Variants in RASAL2 observed in about 807,000 individuals in gnomAD.
RASAL2 encodes RAS protein activator like 2.
In RASAL2, 58 loss-of-function variants were observed where a neutral mutation model predicts 128.9. That is an observed-to-expected ratio of 0.45 (90% CI 0.36 to 0.56). The LOEUF (loss-of-function observed/expected upper bound fraction) is 0.56. Among genes scored for constraint, RASAL2 ranks in the 20% least tolerant of loss-of-function variants. The pLI is 0.00. For synonymous variants in RASAL2, 561 were observed against 580.8 expected, an observed-to-expected ratio of 0.97 and a Z score of 0.49; for missense variants, 1,360 against 1,601.6, an observed-to-expected ratio of 0.85 and a Z score of 2.57.
chr1:178,364,083 G>A lies in RASAL2; in HGVS notation c.458-26017G>A, dbSNP rs547449516. On this transcript the variant is annotated intron_variant, in intron 3 of 17. Coordinates refer to ENST00000367649, the MANE Select transcript of RASAL2 (RefSeq NM_170692.4). ...TGCACTCCAGCCTGGGTGACAGAGC[G>A]AGACTCCATCTCAAAAAAAAAAAAA... 6.7e-5 allele frequency among the ~76,000 whole-genome samples: 10 copies of A among 148,526 alleles called. 1 individual carries two copies. Among genetic ancestry groups the A allele is most frequent in the Non-Finnish European group, 1.5e-4 (10 of 67,512 alleles).
chr1:178,101,514 G>A (rs1453305328), intron 1 of RASAL2, among the ~76,000 whole-genome samples: 1 of 152,178 alleles, frequency 6.6e-6, no homozygotes, highest in African/African-American at 2.4e-5. Context: ...GAGTCTAAGG[G>A]ATTGGTAATA....
chr1:178,111,843 C>T (rs756695121), intron 1 of RASAL2, among the ~76,000 whole-genome samples: 2 of 152,168 alleles, frequency 1.3e-5, no homozygotes, highest in Admixed American at 6.5e-5. Context: ...GATTCTCCCA[C>T]CTCAGCCTCC....
intron 1 of RASAL2, among the ~76,000 whole-genome samples, chr1:178,146,575 CTTGTCTCATTCTA>C (rs1660737367): frequency 6.6e-6 from 1 of 152,172 alleles, no homozygotes; most frequent in Non-Finnish European, 1.5e-5. Context: ...AAAACATCTT[CTTGTCTCATTCTA>C]TTATTCTTAG....
chr1:178,190,947 G>T (rs1662474025), intron 1 of RASAL2, among the ~76,000 whole-genome samples: 1 of 152,140 alleles, frequency 6.6e-6, no homozygotes, highest in South Asian at 2.1e-4. Flanking sequence ...GAATAGTAAG[G>T]ATTAATGGCT....
intron 9 of RASAL2, among the ~76,000 whole-genome samples, chr1:178,449,871 A>G (rs1677262131): frequency 6.6e-6 from 1 of 152,122 alleles, no homozygotes; most frequent in Admixed American, 6.6e-5. Context: ...GTTAATATTC[A>G]TGTTTTTTAT....
intron 1 of RASAL2, among the ~76,000 whole-genome samples, chr1:178,223,209 A>T (rs970043814): frequency 6.6e-6 from 1 of 152,196 alleles, no homozygotes; most frequent in Admixed American, 6.5e-5. Context: ...ACAAACATGG[A>T]TGTTATAGCC....
At chr1:178,233,777 G>A (rs1335607988) in intron 1 of RASAL2, among the ~76,000 whole-genome samples, 1 of 152,166 alleles carries the variant, frequency 6.6e-6, no homozygotes, top group Non-Finnish European at 1.5e-5. Context: ...TGGAGTCTGA[G>A]CAGCAGGGAT....
chr1:178,217,917 T>C (rs1214594349), intron 1 of RASAL2, among the ~76,000 whole-genome samples: 1 of 151,956 alleles, frequency 6.6e-6, no homozygotes, highest in Non-Finnish European at 1.5e-5. Context: ...CAGAATTTCT[T>C]TCCAAACTGG....
At chr1:178,384,521 C>T (rs1432679768) in intron 3 of RASAL2, among the ~76,000 whole-genome samples, 13 of 151,852 alleles carry the variant, frequency 8.6e-5, no homozygotes, top group African/African-American at 2.2e-4. Flanking sequence ...AGCTAAAATT[C>T]GCTGGGTGTG....
intron 3 of RASAL2, among the ~76,000 whole-genome samples, chr1:178,314,847 G>C (rs1318307651): frequency 6.6e-6 from 1 of 150,912 alleles, no homozygotes; most frequent in Non-Finnish European, 1.5e-5. Context: ...GTGCAGGTTA[G>C]TTACATATGT....
chr1:178,173,971 T>C (rs910429636), intron 1 of RASAL2, among the ~76,000 whole-genome samples: 8 of 151,884 alleles, frequency 5.3e-5, no homozygotes, highest in African/African-American at 1.9e-4. Context: ...TCCCCACTAT[T>C]AGTTATTTCC....
chr1:178,458,859 A>G (rs947560396), intron 14 of RASAL2, among the ~76,000 whole-genome samples: 4 of 152,180 alleles, frequency 2.6e-5, no homozygotes, highest in Non-Finnish European at 4.4e-5. Flanking sequence ...GATACTTAAA[A>G]TCTGTAGGCA....
chr1:178,193,489 T>A (rs1056538733), intron 1 of RASAL2, among the ~76,000 whole-genome samples: 1 of 152,176 alleles, frequency 6.6e-6, no homozygotes, highest in African/African-American at 2.4e-5. Flanking sequence ...ACTGAGGACA[T>A]GATTTTATGA....
rs1199508931 is a variant in RASAL2, at chr1:178,477,464, A to G, written c.*4225A>G. The G allele has an allele frequency of 6.6e-6, 1 of 152,236 alleles. No homozygotes were observed. The highest frequency in any genetic ancestry group is 1.9e-4 in the East Asian group (1 of 5,198). The allele number at this position is 152,236 out of a possible 1,614,324, so 9.4% of individuals were successfully genotyped here. A position where few individuals can be genotyped will look rare whatever the true frequency, so the allele number is the denominator to read the frequency against. ...GGGTTTAGGAAGGACAAAAGTGATG[A>G]AATTTGCATGAGATAGAATAAATAT... On this transcript the variant is annotated 3_prime_UTR_variant, in exon 18 of 18. Transcript: ENST00000367649.
intron 1 of RASAL2, among the ~76,000 whole-genome samples, chr1:178,198,061 G>A (rs187170322): frequency 6.6e-6 from 1 of 152,258 alleles, no homozygotes; most frequent in Admixed American, 6.5e-5. Flanking sequence ...AGTATTCCAT[G>A]GTGTATATGT....
chr1:178,388,118 G>A (rs1463944590), intron 3 of RASAL2, among the ~76,000 whole-genome samples: 1 of 152,194 alleles, frequency 6.6e-6, no homozygotes, highest in African/African-American at 2.4e-5. Flanking sequence ...AATCTCCAGT[G>A]TCTTCTAATT....
chr1:178,221,978 T>C (rs1004966767), intron 1 of RASAL2, among the ~76,000 whole-genome samples: 1 of 152,236 alleles, frequency 6.6e-6, no homozygotes, highest in African/African-American at 2.4e-5. Flanking sequence ...TTAAATTTTC[T>C]TGGAGAATTG....
At chr1:178,168,156 C>G (rs780127915) in intron 1 of RASAL2, among the ~76,000 whole-genome samples, 1 of 151,836 alleles carries the variant, frequency 6.6e-6, no homozygotes, top group Non-Finnish European at 1.5e-5. Context: ...TTATAAAATC[C>G]TGTACACTTT....
At chr1:178,341,342 G>A in intron 3 of RASAL2, 1 of 1,026,590 alleles carries the variant, frequency 9.7e-7, no homozygotes, top group Non-Finnish European at 1.3e-6. Flanking sequence ...CCCAGTGAGT[G>A]AGTAAGGAAG....
Sources: allele counts gnomAD v4.1 joint callset (sites outside exome capture counted in the v4.1 genomes callset), GRCh38; gene constraint gnomAD v4.1.1; transcripts MANE v1.5; gene names NCBI Gene and HGNC (gene_info 2026-07-23, HGNC 2026-07-21).